The following TMEM233 variants were observed in gnomAD, a reference collection of about 807,000 sequenced individuals.
The protein encoded by TMEM233 is transmembrane protein 233.
TMEM233 carries 6 observed loss-of-function variants against 11.2 expected under a neutral mutation model. That is an observed-to-expected ratio of 0.54 (90% CI 0.29 to 1.06). The LOEUF (loss-of-function observed/expected upper bound fraction) is 1.06, where lower values mean the gene tolerates loss of function less well. TMEM233 is among the 50% of genes least tolerant of loss of function. TMEM233 has a pLI of 0.08. For synonymous variants in TMEM233, 59 were observed against 55.8 expected (o/e 1.06, Z -0.26); for missense variants, 127 against 144.7 (o/e 0.88, Z 0.63).
downstream of TMEM233, among the ~76,000 whole-genome samples, chr12:119,646,568 G>A (rs1955155802): frequency 6.6e-6 from 1 of 152,172 alleles, no homozygotes; most frequent in Admixed American, 6.6e-5. Context: ...CCTTCTAGAA[G>A]CTATCCACAT....
In TMEM233 at chr12:119,595,063, T is replaced by A. The variant is rs1048686133; in HGVS notation, c.186+1029T>A. Among the ~76,000 whole-genome samples, 26 of 152,284 alleles carry A rather than the reference T, an allele frequency of 1.7e-4. No homozygotes were observed. The highest frequency in any genetic ancestry group is 6.3e-4 in the African/African-American group (26 of 41,576). ...TAGGAGTGGCCGCTGGGGCCTCTAG[T>A]CCGCCCTTCCGGAGCTCAGCTCCCT... On this transcript the variant is annotated intron_variant, in intron 1 of 2. Coordinates refer to ENST00000426426, the MANE Select transcript of TMEM233 (RefSeq NM_001136534.3). The surrounding 1 kb of genome is among the most constrained non-coding windows in gnomAD (Gnocchi z 4.3).
In TMEM233 at chr12:119,594,474, T is replaced by C; in HGVS notation, c.186+440T>C. On this transcript the variant is annotated intron_variant, in intron 1 of 2. Transcript: ENST00000426426. This position sits in a 1 kb window ranked among gnomAD's most constrained non-coding sequence, Gnocchi z 5.6. ...CCGAGCATGCAGGCTCTACGTTCCT[T>C]TCCCTGCCGCTCCGGGGGCTCCTGC... 6.3e-6 allele frequency: 1 copy of C among 159,938 alleles called. No individual in the cohort carries two copies. Among genetic ancestry groups the C allele is most frequent in the Non-Finnish European group, 1.4e-5 (1 of 73,000 alleles). 9.9% of individuals were successfully genotyped at this position (159,938 alleles called of 1,614,324 possible). A position where few individuals can be genotyped will look rare whatever the true frequency, so the allele number is the denominator to read the frequency against.
intron 1 of TMEM233, among the ~76,000 whole-genome samples, chr12:119,604,147 T>C (rs1954219400): frequency 2.0e-5 from 3 of 152,220 alleles, no homozygotes; most frequent in Non-Finnish European, 4.4e-5. Context: ...AGCCTGAACA[T>C]ACCTGAGAAT....
rs762977471 is a variant in TMEM233 at position 119,629,754 on chromosome 12, G to A, written c.205G>A (p.Asp69Asn). Residue 69 changes from aspartate (D) to asparagine (N), a missense_variant, in exon 2 of 3, where the codon GAT becomes AAT. Asp to Asn is a conservative substitution (Grantham distance 23, BLOSUM62 1). Transcript: ENST00000426426. ...FSIMSLNSYN[D>N]GDYEGARRLG... ...CCCCCAGTCTCTGAACAGCTACAAC[G>A]ATGGAGACTACGAAGGAGCCAGGCG... 4.7e-5 allele frequency: 73 copies of A among 1,551,256 alleles called. No homozygotes were observed. The highest frequency in any genetic ancestry group is 1.7e-4 in the Middle Eastern group (1 of 6,000).
intron 2 of TMEM233, among the ~76,000 whole-genome samples, chr12:119,639,676 G>T (rs1296658498): frequency 1.3e-5 from 2 of 152,108 alleles, no homozygotes; most frequent in Non-Finnish European, 2.9e-5. Flanking sequence ...GACTGCTGGA[G>T]TTCCAGTCCA....
At position 119,640,696 on chromosome 12, in the gene TMEM233, C is replaced by G; in HGVS notation, c.324-3C>G. 2 of 1,550,576 alleles carry G rather than the reference C, an allele frequency of 1.3e-6. No individual in the cohort carries two copies. Among genetic ancestry groups the G allele is most frequent in the Non-Finnish European group, 1.7e-6 (2 of 1,146,946 alleles). On this transcript the variant is annotated splice_polypyrimidine_tract_variant and splice_region_variant and intron_variant, in intron 2 of 2. Coordinates refer to ENST00000426426, the MANE Select transcript of TMEM233 (RefSeq NM_001136534.3). ...TCTCTCTCTCTCTGTCTGTACCACACAGTGCCTGAGGAACCAGCGGTCAGT... is the reference window on the plus strand; with the variant it reads ...TCTCTCTCTCTCTGTCTGTACCACAGAGTGCCTGAGGAACCAGCGGTCAGT...
rs1449014966 is a variant in TMEM233, at chr12:119,594,955, CCCGGGAATG to C, written c.186+922_186+930del. 2.6e-5 allele frequency among the ~76,000 whole-genome samples: 4 copies of C among 152,188 alleles called. No homozygotes were observed. The South Asian group carries it at 8.3e-4, about 32-fold the overall frequency. On this transcript the variant is annotated intron_variant, in intron 1 of 2. Transcript: ENST00000426426. This position sits in a 1 kb window ranked among gnomAD's most constrained non-coding sequence, Gnocchi z 5.6. ...CGCTCTGTCCTGCGCCCGGGGCTCT[CCCGGGAATG>C]AACTAGGGGATTCCACGCAACGTGC...
chr12:119,626,510 AGGAGGAGGAGAAG>A lies in TMEM233; in HGVS notation c.187-3221_187-3209del, dbSNP rs1230997187. 2.3e-4 allele frequency among the ~76,000 whole-genome samples: 17 copies of A among 73,098 alleles called. 3 individuals are homozygous for A. Among genetic ancestry groups the A allele is most frequent in the African/African-American group, 7.6e-4 (15 of 19,812 alleles). 48.0% of individuals were successfully genotyped at this position (73,098 alleles called of 152,430 possible). Reference sequence around the variant, plus strand: ...AAGAAGAAAAAGGAGGAGGAGGAGGAGGAGGAGGAGAAGGGAGAAGGGAGAAGGGAGAAGAGAA... The same window carrying A: ...AAGAAGAAAAAGGAGGAGGAGGAGGAGGAGAAGGGAGAAGGGAGAAGAGAA... On this transcript the variant is annotated intron_variant, in intron 1 of 2. Transcript: ENST00000426426.
At chr12:119,612,704 TCACGC>T (rs1466979549) in intron 1 of TMEM233, among the ~76,000 whole-genome samples, 1 of 135,380 alleles carries the variant, frequency 7.4e-6, no homozygotes, top group Non-Finnish European at 1.5e-5. Context: ...TGAGCCAAGA[TCACGC>T]CACTGCACTC....
intron 2 of TMEM233, 109 bp downstream of exon 2, chr12:119,629,981 AG>A: frequency 8.0e-7 from 1 of 1,243,854 alleles, no homozygotes; most frequent in South Asian, 1.6e-5. Context: ...CCCAAGCCAA[AG>A]GGTTTTCATG....
the TMEM233 span, among the ~76,000 whole-genome samples, chr12:119,648,526 G>A: frequency 6.6e-6 from 1 of 152,218 alleles, no homozygotes; most frequent in Non-Finnish European, 1.5e-5. Context: ...AAGAACATGA[G>A]GGTCTCCCTT....
the TMEM233 span, among the ~76,000 whole-genome samples, chr12:119,649,854 T>TAAAAAAAAAAA: frequency 6.8e-4 from 62 of 91,296 alleles, 1 homozygote; most frequent in African/African-American, 2.5e-3. Flanking sequence ...GTTTAACTAT[T>TAAAAAAAAAAA]AAAAAAAAAA....
intron 2 of TMEM233, among the ~76,000 whole-genome samples, chr12:119,632,960 A>C (rs1242644460): frequency 1.3e-5 from 2 of 152,206 alleles, no homozygotes; most frequent in Non-Finnish European, 2.9e-5. Context: ...TTCATATGTT[A>C]GACTTTCTCC....
downstream of TMEM233, among the ~76,000 whole-genome samples, chr12:119,644,550 T>C (rs1460346811): frequency 2.0e-5 from 3 of 150,300 alleles, no homozygotes; most frequent in Non-Finnish European, 4.4e-5. Flanking sequence ...CGATCTCTGC[T>C]CACTGCAACC....
At chr12:119,638,909 A>C (rs1012823454) in intron 2 of TMEM233, among the ~76,000 whole-genome samples, 1 of 151,922 alleles carries the variant, frequency 6.6e-6, no homozygotes, top group Non-Finnish European at 1.5e-5. Context: ...CATCCTTCTT[A>C]CTATGACTTT....
chr12:119,607,739 C>CA (rs1954312763), intron 1 of TMEM233, among the ~76,000 whole-genome samples: 1 of 151,892 alleles, frequency 6.6e-6, no homozygotes, highest in South Asian at 2.1e-4. Flanking sequence ...CTCAGGCCCC[C>CA]AAGTAGCTGA....
intron 2 of TMEM233, among the ~76,000 whole-genome samples, chr12:119,633,883 A>G (rs1396983678): frequency 6.6e-6 from 1 of 152,162 alleles, no homozygotes; most frequent in African/African-American, 2.4e-5. Flanking sequence ...GGTTTTAAAA[A>G]AGTTAGCATC....
intron 1 of TMEM233, among the ~76,000 whole-genome samples, chr12:119,614,553 C>T (rs560638450): frequency 6.6e-5 from 10 of 152,276 alleles, no homozygotes; most frequent in Non-Finnish European, 4.4e-5. Flanking sequence ...AAGTCATCTA[C>T]CTGGTGCTGT....
At chr12:119,621,521 C>G (rs933017612) in intron 1 of TMEM233, among the ~76,000 whole-genome samples, 3 of 151,722 alleles carry the variant, frequency 2.0e-5, no homozygotes, top group East Asian at 3.9e-4. Flanking sequence ...AAAAAAAACA[C>G]AAACTTCTGT....
Sources: gnomAD v4.1 joint callset for allele counts (sites outside exome capture counted in the v4.1 genomes callset) on GRCh38, gnomAD v4.1.1 for gene constraint, Gnocchi (gnomAD v3.1) non-coding constraint, MANE v1.5 for transcripts, NCBI Gene and HGNC (gene_info 2026-07-23, HGNC 2026-07-21) for gene names.